Variants in KIAA1328 observed in about 807,000 individuals in gnomAD.
The protein encoded by KIAA1328 is KIAA1328, also known as protein hinderin.
A neutral mutation model predicts 68.1 loss-of-function variants in KIAA1328; 52 were observed. That is an observed-to-expected ratio of 0.76 (90% CI 0.61 to 0.96). The LOEUF (loss-of-function observed/expected upper bound fraction) is 0.96. Among genes scored for constraint, KIAA1328 ranks in the 40% least tolerant of loss-of-function variants. The pLI is 0.00. For synonymous variants in KIAA1328, 232 were observed against 239.4 expected, an observed-to-expected ratio of 0.97 and a Z score of 0.28; for missense variants, 641 against 677.6, an observed-to-expected ratio of 0.95 and a Z score of 0.60.
intron 6 of KIAA1328, among the ~76,000 whole-genome samples, chr18:36,963,774 A>G (rs552504581): frequency 6.6e-6 from 1 of 152,002 alleles, no homozygotes; most frequent in Non-Finnish European, 1.5e-5. Flanking sequence ...CTTTTTTGTT[A>G]TTTTGTAATC....
intron 7 of KIAA1328, among the ~76,000 whole-genome samples, chr18:37,072,786 C>A (rs991908900): frequency 6.6e-6 from 1 of 152,146 alleles, no homozygotes; most frequent in Non-Finnish European, 1.5e-5. Flanking sequence ...GACTCCCCAA[C>A]AGGCTCTGGT....
Position 36,832,383 on chromosome 18 carries a change from A to C in KIAA1328, c.59-1937A>C, listed in dbSNP as rs543894687. 3.3e-5 allele frequency among the ~76,000 whole-genome samples: 5 copies of C among 152,094 alleles called. No individual in the cohort carries two copies. The East Asian group carries it at 9.7e-4, about 29-fold the overall frequency. Reference sequence around the variant, plus strand: ...AGGTGGATCACAAGGTCAGGAGTTCAAAACCAGTCTGGCCAACATGATGAA... The same window carrying C: ...AGGTGGATCACAAGGTCAGGAGTTCCAAACCAGTCTGGCCAACATGATGAA... On this transcript the variant is annotated intron_variant, in intron 1 of 9. Transcript: ENST00000280020.
intron 7 of KIAA1328, among the ~76,000 whole-genome samples, chr18:37,113,917 A>G (rs1465747279): frequency 6.6e-6 from 1 of 152,226 alleles, no homozygotes; most frequent in Non-Finnish European, 1.5e-5. Flanking sequence ...AAAGAAGGCC[A>G]TTACATAATG....
Position 37,222,445 on chromosome 18 carries a change from G to T in KIAA1328, c.*218G>T. On this transcript the variant is annotated 3_prime_UTR_variant, in exon 10 of 10. Coordinates refer to ENST00000280020, the MANE Select transcript of KIAA1328 (RefSeq NM_020776.3). ...ACACACTAAGGGGGTAGGAATGGAA[G>T]ATGGTATCTTTTATATGCTAAACAG... The T allele has an allele frequency of 1.0e-5, 14 of 1,396,790 alleles. No individual in the cohort carries two copies. Among genetic ancestry groups the T allele is most frequent in the Non-Finnish European group, 1.2e-5 (13 of 1,077,860 alleles). 86.5% of individuals were successfully genotyped at this position (1,396,790 alleles called of 1,614,324 possible).
At chr18:37,132,500 T>G (rs946518202) in intron 7 of KIAA1328, among the ~76,000 whole-genome samples, 5 of 152,218 alleles carry the variant, frequency 3.3e-5, no homozygotes, top group Admixed American at 2.0e-4. Context: ...ATCTATTGCA[T>G]GGGCAGAAGA....
At chr18:37,121,066 G>C (rs1375540648) in intron 7 of KIAA1328, among the ~76,000 whole-genome samples, 1 of 151,814 alleles carries the variant, frequency 6.6e-6, no homozygotes, top group Non-Finnish European at 1.5e-5. Context: ...ATAATGAAAA[G>C]AATAAAAACC....
At chr18:37,087,694 A>G (rs530306188) in intron 7 of KIAA1328, among the ~76,000 whole-genome samples, 2 of 152,284 alleles carry the variant, frequency 1.3e-5, no homozygotes, top group Admixed American at 6.5e-5. Context: ...GCTACTATCC[A>G]TAGATTTTCT....
At chr18:37,080,602 C>G (rs1158971701) in intron 7 of KIAA1328, among the ~76,000 whole-genome samples, 1 of 151,858 alleles carries the variant, frequency 6.6e-6, no homozygotes, top group Non-Finnish European at 1.5e-5. Context: ...CGGTGATACC[C>G]CATCTCTACT....
At chr18:36,974,068 G>A (rs2052362884) in intron 6 of KIAA1328, among the ~76,000 whole-genome samples, 1 of 151,960 alleles carries the variant, frequency 6.6e-6, no homozygotes, top group Non-Finnish European at 1.5e-5. Flanking sequence ...GCAAAATTTA[G>A]GTTTATGGTC....
intron 7 of KIAA1328, among the ~76,000 whole-genome samples, chr18:37,097,891 A>C (rs1447959720): frequency 2.0e-5 from 3 of 152,108 alleles, no homozygotes; most frequent in African/African-American, 7.3e-5. Flanking sequence ...TTATTAGTGT[A>C]TAAGGATGCT....
downstream of KIAA1328, among the ~76,000 whole-genome samples, chr18:37,227,057 G>A (rs768261097): frequency 3.3e-5 from 5 of 152,116 alleles, no homozygotes; most frequent in African/African-American, 7.2e-5. Context: ...GTGAGCCACC[G>A]CGCCCAGGCC....
intron 7 of KIAA1328, among the ~76,000 whole-genome samples, chr18:37,155,881 A>G (rs2059140406): frequency 6.6e-6 from 1 of 152,132 alleles, no homozygotes; most frequent in African/African-American, 2.4e-5. Context: ...TTGTTGGTAT[A>G]TTTGCTAATA....
intron 7 of KIAA1328, among the ~76,000 whole-genome samples, chr18:37,088,504 C>A (rs993528589): frequency 6.6e-6 from 1 of 151,998 alleles, no homozygotes; most frequent in East Asian, 1.9e-4. Flanking sequence ...ATTTTCACTT[C>A]CTATGTTCAT....
At chr18:37,009,904 A>G (rs1050985350) in intron 6 of KIAA1328, among the ~76,000 whole-genome samples, 1 of 152,212 alleles carries the variant, frequency 6.6e-6, no homozygotes, top group African/African-American at 2.4e-5. Context: ...TTCTCTTCCC[A>G]TACATAGTTC....
chr18:37,208,143 G>T (rs923720189), intron 9 of KIAA1328, among the ~76,000 whole-genome samples: 3 of 152,128 alleles, frequency 2.0e-5, no homozygotes, highest in Non-Finnish European at 4.4e-5. Flanking sequence ...ATTTAAAGGA[G>T]CTCACATTCC....
chr18:36,872,195 C>T (rs1357858645), intron 4 of KIAA1328, among the ~76,000 whole-genome samples: 1 of 151,720 alleles, frequency 6.6e-6, no homozygotes, highest in East Asian at 1.9e-4. Context: ...CAGGGGGAGG[C>T]AAAAAATAAC....
At chr18:37,112,643 G>C (rs2057968380) in intron 7 of KIAA1328, among the ~76,000 whole-genome samples, 1 of 152,210 alleles carries the variant, frequency 6.6e-6, no homozygotes, top group Non-Finnish European at 1.5e-5. Flanking sequence ...GAACAAAGCT[G>C]GACAGAGAAT....
chr18:36,915,333 T>G (rs1286936156), intron 5 of KIAA1328, among the ~76,000 whole-genome samples: 1 of 152,104 alleles, frequency 6.6e-6, no homozygotes, highest in Non-Finnish European at 1.5e-5. Flanking sequence ...AGAAAAAACA[T>G]GATTAATTGG....
chr18:36,898,985 T>C (rs1410761620), intron 5 of KIAA1328, among the ~76,000 whole-genome samples: 1 of 151,960 alleles, frequency 6.6e-6, no homozygotes, highest in East Asian at 1.9e-4. Context: ...CCTTTATTTG[T>C]TTTTCTTGCC....
Sources: gnomAD v4.1 joint callset for allele counts (sites outside exome capture counted in the v4.1 genomes callset) on GRCh38, gnomAD v4.1.1 for gene constraint, MANE v1.5 for transcripts, NCBI Gene and HGNC (gene_info 2026-07-23, HGNC 2026-07-21) for gene names.